Variants in TRPM6 observed in about 807,000 individuals in gnomAD.
TRPM6 encodes transient receptor potential cation channel subfamily M member 6.
Under a neutral mutation model 247.6 loss-of-function variants are expected in TRPM6, and 111 were observed. The ratio of observed to expected loss-of-function variants is 0.45; its 90% CI spans 0.38 to 0.52. The LOEUF is 0.52. TRPM6 is among the 20% of genes least tolerant of loss of function. The pLI is 0.00. For missense variants in TRPM6, 2,126 were observed against 2,421.5 expected, an observed-to-expected ratio of 0.88 and a Z score of 2.56; for synonymous variants, 892 against 853.8, an observed-to-expected ratio of 1.04 and a Z score of -0.78.
At chr9:74,840,701 C>T (rs910588589) in intron 4 of TRPM6, among the ~76,000 whole-genome samples, 6 of 151,918 alleles carry the variant, frequency 3.9e-5, no homozygotes, top group Non-Finnish European at 7.4e-5. Context: ...TCTGTAATCC[C>T]AGCTACCCGG....
intron 1 of TRPM6, among the ~76,000 whole-genome samples, chr9:74,874,708 C>A (rs1023795716): frequency 2.7e-5 from 4 of 148,742 alleles, no homozygotes; most frequent in African/African-American, 7.4e-5. Flanking sequence ...TTTTCTTTTT[C>A]TTTTTTTTTA....
chr9:74,812,501 T>A (rs1019107280), intron 11 of TRPM6, 68 bp from the exon 12 acceptor site: 1 of 1,451,066 alleles, frequency 6.9e-7, no homozygotes, highest in East Asian at 2.3e-5. Flanking sequence ...GAATTACATG[T>A]TTTTGAACTC....
chr9:74,873,160 T>A (rs1831081807), intron 1 of TRPM6, among the ~76,000 whole-genome samples: 1 of 152,152 alleles, frequency 6.6e-6, no homozygotes, highest in South Asian at 2.1e-4. Context: ...ACAGGTATTC[T>A]CTACACACTG....
In TRPM6 at chr9:74,739,421, T is replaced by G; in HGVS notation, c.5516A>C (p.Lys1839Thr). 6.2e-7 allele frequency: 1 copy of G among 1,614,148 alleles called. No homozygotes were observed. ...CACTTGGTTGAAGGTATAGATCAAT[T>G]TTTGAGCAGCTCTTTGTTGTTGAAT... ...REIQQQRAAQ[K>T]LIYTFNQVKP... Residue 1839 changes from lysine (K) to threonine (T), a missense_variant, in exon 35 of 39, where the codon AAA becomes ACA. This residue lies in a region of TRPM6 where 327 missense variants were observed against 397.7 expected (regional missense o/e 0.82). Coordinates refer to ENST00000360774, the MANE Select transcript of TRPM6 (RefSeq NM_017662.5).
At chr9:74,858,343 C>A (rs932969538) in intron 2 of TRPM6, among the ~76,000 whole-genome samples, 1 of 151,930 alleles carries the variant, frequency 6.6e-6, no homozygotes, top group Admixed American at 6.6e-5. Context: ...GCTGAGATTG[C>A]GCCACTGCAC....
chr9:74,763,226 C>A, intron 25 of TRPM6, 92 bp from the exon 26 acceptor site: 7 of 1,260,668 alleles, frequency 5.6e-6, no homozygotes, highest in Non-Finnish European at 7.9e-6. Context: ...TAAATGGCTC[C>A]TGAGCCTCAG....
chr9:74,840,287 C>G (rs971290542), intron 4 of TRPM6, 50 bp from the exon 5 acceptor site: 1 of 1,375,908 alleles, frequency 7.3e-7, no homozygotes, highest in Non-Finnish European at 1.0e-6. Context: ...AAAAGTTATG[C>G]CAGGCACAGA....
intron 3 of TRPM6, among the ~76,000 whole-genome samples, chr9:74,850,323 G>T (rs1035338796): frequency 6.6e-6 from 1 of 152,150 alleles, no homozygotes; most frequent in Non-Finnish European, 1.5e-5. Context: ...AGTGAGGCGA[G>T]ATTGGGCCAT....
intron 8 of TRPM6, 140 bp downstream of exon 8, chr9:74,821,529 C>T: frequency 2.9e-6 from 3 of 1,019,416 alleles, no homozygotes; most frequent in South Asian, 2.8e-5. Flanking sequence ...GAACAACAAA[C>T]ACAGTCACTG....
chr9:74,760,735 ATGTTAAAAC>A (rs1826596893), intron 27 of TRPM6, among the ~76,000 whole-genome samples: 1 of 152,220 alleles, frequency 6.6e-6, no homozygotes, highest in African/African-American at 2.4e-5. Context: ...TCCAAAACTC[ATGTTAAAAC>A]TTAATTCCCA....
Position 74,820,357 on chromosome 9 carries a change from G to C in TRPM6, c.1081C>G (p.Gln361Glu), listed in dbSNP as rs374137465. The change falls in exon 9 of 39, where the codon CAG (glutamine) becomes GAG (glutamate). Residue 361 changes from glutamine (Q) to glutamate (E), a missense_variant. Physicochemically the swap from Gln to Glu is conservative, Grantham distance 29. Transcript: ENST00000360774. ...AGAATTTGGAAAAGGTGCTTGGACT[G>C]TTTAAGACTAAAGTTGAAAGTGTTC... ...IQNTFNFSLKQSKHLFQILME... is the reference protein window; with the variant it reads ...IQNTFNFSLKESKHLFQILME... 6.2e-7 allele frequency: 1 copy of C among 1,613,976 alleles called. No individual in the cohort carries two copies. The highest frequency in any genetic ancestry group is 1.3e-5 in the African/African-American group (1 of 74,910).
chr9:74,742,531 T>A (rs776596352), intron 33 of TRPM6, 30 bp downstream of exon 33: 2 of 1,605,246 alleles, frequency 1.2e-6, no homozygotes, highest in Non-Finnish European at 1.7e-6. Flanking sequence ...TGTCCTGGCA[T>A]AAACTCAAGA....
intron 23 of TRPM6, among the ~76,000 whole-genome samples, chr9:74,778,019 C>T (rs1827286091): frequency 6.6e-6 from 1 of 152,232 alleles, no homozygotes; most frequent in Non-Finnish European, 1.5e-5. Flanking sequence ...CAAAATGCCG[C>T]TCAGCATGTT....
rs766398288 is a variant in TRPM6, at chr9:74,771,767, A to C, written c.3472T>G (p.Phe1158Val). The C allele has an allele frequency of 4.3e-6, 7 of 1,613,828 alleles. No individual in the cohort carries two copies. The highest frequency in any genetic ancestry group is 5.9e-6 in the Non-Finnish European group (7 of 1,179,878). Reference sequence around the variant, plus strand: ...TTCACATCTTCCATCTTCTCATGGAAGTATTTTTCCACGCACTGCTCCTCA... The same window carrying C: ...TTCACATCTTCCATCTTCTCATGGACGTATTTTTCCACGCACTGCTCCTCA... The part of the protein sequence containing the change: ...DFEEQCVEKY[F>V]HEKMEDVNCS... The change falls in exon 25 of 39, where the codon TTC becomes GTC. Residue 1158 changes from phenylalanine (F) to valine (V), a missense_variant. This residue lies in a region of TRPM6 where 717 missense variants were observed against 715.9 expected (regional missense o/e 1.00). Transcript: ENST00000360774.
At chr9:74,735,335 T>C (rs551677178) in intron 36 of TRPM6, among the ~76,000 whole-genome samples, 21 of 151,702 alleles carry the variant, frequency 1.4e-4, no homozygotes, top group African/African-American at 5.1e-4. Context: ...TTCAAGAGAG[T>C]AAATGCTCAT....
At chr9:74,836,325 T>A (rs1829720316) in intron 5 of TRPM6, among the ~76,000 whole-genome samples, 1 of 152,234 alleles carries the variant, frequency 6.6e-6, no homozygotes, top group African/African-American at 2.4e-5. Context: ...TGACCTTATA[T>A]GTGTCATTAG....
chr9:74,760,583 A>C (rs1166637832), intron 27 of TRPM6, among the ~76,000 whole-genome samples: 1 of 152,252 alleles, frequency 6.6e-6, no homozygotes, highest in Non-Finnish European at 1.5e-5. Flanking sequence ...ACATATGAAA[A>C]GATGCCTAGT....
chr9:74,726,611 A>G (rs1425300644), intron 38 of TRPM6, among the ~76,000 whole-genome samples: 1 of 152,192 alleles, frequency 6.6e-6, no homozygotes, highest in Non-Finnish European at 1.5e-5. Flanking sequence ...CAAGGATTGG[A>G]AGTAGTGAGT....
chr9:74,865,594 C>T (rs970815366), intron 1 of TRPM6, among the ~76,000 whole-genome samples: 1 of 152,192 alleles, frequency 6.6e-6, no homozygotes, highest in African/African-American at 2.4e-5. Flanking sequence ...CAATTCTCTC[C>T]AATTTCCAAG....
Sources: allele counts gnomAD v4.1 joint callset (sites outside exome capture counted in the v4.1 genomes callset), GRCh38; gene constraint gnomAD v4.1.1; regional missense constraint gnomAD v4.1.1; transcripts MANE v1.5; gene names NCBI Gene and HGNC (gene_info 2026-07-23, HGNC 2026-07-21).